The following GRTP1 variants were observed in gnomAD, a reference collection of about 807,000 sequenced individuals.
GRTP1 encodes the protein growth hormone-regulated TBC protein 1.
GRTP1 carries 56 observed loss-of-function variants against 38.1 expected under a neutral mutation model. The ratio of observed to expected loss-of-function variants is 1.47; its 90% CI spans 1.19 to 1.84. GRTP1 has a LOEUF of 1.84. Ranked by LOEUF, GRTP1 falls within the 40% of genes most tolerant of loss-of-function variation. The pLI, the probability that GRTP1 is intolerant of heterozygous loss-of-function variation, is 0.00. For missense variants in GRTP1, 506 were observed against 453.9 expected (o/e 1.11, Z -1.04); for synonymous variants, 217 against 189.5 (o/e 1.14, Z -1.19).
chr13:113,363,601 C>T (rs1347646476), intron 2 of GRTP1, among the ~76,000 whole-genome samples, 161 bp downstream of exon 2: 2 of 152,190 alleles, frequency 1.3e-5, no homozygotes, highest in Non-Finnish European at 2.9e-5. Context: ...GCGGGAAAAC[C>T]GGTCCCTGCG....
intron 2 of GRTP1, among the ~76,000 whole-genome samples, chr13:113,363,274 C>T (rs575415741): frequency 7.4e-4 from 112 of 152,338 alleles, no homozygotes; most frequent in African/African-American, 2.6e-3. Flanking sequence ...ATGGCGCAAT[C>T]TCGGCTCACT....
intron 5 of GRTP1, among the ~76,000 whole-genome samples, chr13:113,331,689 T>C (rs1448231252): frequency 7.5e-6 from 1 of 134,022 alleles, no homozygotes; most frequent in African/African-American, 2.9e-5. Flanking sequence ...AGAGTCTCAC[T>C]CTGTCACCCA....
In GRTP1 at chr13:113,348,144, A is replaced by G. The variant is rs2043202499; in HGVS notation, c.465+2705T>C. On this transcript the variant is annotated intron_variant, in intron 4 of 7. Transcript: ENST00000375431. The surrounding 1 kb of genome is among the most constrained non-coding windows in gnomAD (Gnocchi z 4.8). ...GGACAGTGTGGACACATGGAAATGC[A>G]GGTGGGTGATCATCGTGGAGAAAAA... is the stretch of plus-strand genomic sequence containing the variant. Among the ~76,000 whole-genome samples the G allele has an allele frequency of 6.6e-6, 1 of 152,192 alleles. No homozygotes were observed. The highest frequency in any genetic ancestry group is 2.1e-4 in the South Asian group (1 of 4,824).
In GRTP1 at chr13:113,350,870, G is replaced by A. The variant is rs1319373677; in HGVS notation, c.444C>T (p.Asn148=). The A allele has an allele frequency of 6.3e-7, 1 of 1,583,612 alleles. No homozygotes were observed. The highest frequency in any genetic ancestry group is 1.7e-5 in the Admixed American group (1 of 58,500). ...TCACCTGGCAGTAGCCCACTCCCTG[G>A]TTATGGTGCCCATATGCCAGCAGCA... is the stretch of plus-strand genomic sequence containing the variant. ...YNVLLAYGHH[N]QGVGYCQGMN... Residue 148 remains asparagine (N), a synonymous_variant, in exon 4 of 8, where the codon AAC becomes AAT. Transcript: ENST00000375431.
At chr13:113,347,507 CGG>C (rs2043175675) in intron 4 of GRTP1, among the ~76,000 whole-genome samples, 1 of 32,950 alleles carries the variant, frequency 3.0e-5, no homozygotes, top group Non-Finnish European at 7.9e-5. Flanking sequence ...TGGCCGAGAG[CGG>C]ACCCAGGAGC....
In GRTP1 at chr13:113,352,664, C is replaced by G. The variant is rs114146703; in HGVS notation, c.341-1691G>C. Among the ~76,000 whole-genome samples the G allele has an allele frequency of 2.3e-3, 346 of 152,208 alleles. 1 individual carries two copies. The highest frequency in any genetic ancestry group is 7.9e-3 in the African/African-American group (327 of 41,546). ...GTGCTGGGATTACAGGCGTGAGCCA[C>G]CACACTAAGTTTCTTGATATGTTTT... On this transcript the variant is annotated intron_variant, in intron 3 of 7. Transcript: ENST00000375431.
chr13:113,326,670 C>CA (rs1438785315), intron 5 of GRTP1, among the ~76,000 whole-genome samples: 2 of 148,666 alleles, frequency 1.3e-5, no homozygotes, highest in South Asian at 2.1e-4. Context: ...GACTCTGTCT[C>CA]AAAAAAACAA....
intron 1 of GRTP1, 39 bp downstream of exon 1, chr13:113,363,972 GCGCGGGGAC>G (rs2043551360): frequency 6.5e-7 from 1 of 1,548,518 alleles, no homozygotes; most frequent in Non-Finnish European, 8.7e-7. Context: ...TCGCGGGCCC[GCGCGGGGAC>G]CGCAGCCGCC....
intron 5 of GRTP1, among the ~76,000 whole-genome samples, chr13:113,344,520 C>A (rs999748563): frequency 2.6e-5 from 4 of 152,082 alleles, no homozygotes; most frequent in Non-Finnish European, 4.4e-5. Flanking sequence ...TTGAGACCAG[C>A]CTGACCAACA....
intron 2 of GRTP1, 135 bp downstream of exon 2, chr13:113,363,627 A>G (rs1011286474): frequency 3.3e-6 from 3 of 912,198 alleles, no homozygotes; most frequent in Non-Finnish European, 4.8e-6. Flanking sequence ...CCTAGCTCGG[A>G]GCCCGCAGCT....
At chr13:113,354,848 G>C (rs1219354719) in intron 3 of GRTP1, among the ~76,000 whole-genome samples, 3 of 152,084 alleles carry the variant, frequency 2.0e-5, no homozygotes, top group African/African-American at 4.8e-5. Context: ...AATTTTGTTA[G>C]CACTCTGAAC....
chr13:113,352,574 C>G (rs1184773614), intron 3 of GRTP1, among the ~76,000 whole-genome samples: 1 of 151,662 alleles, frequency 6.6e-6, no homozygotes, highest in Non-Finnish European at 1.5e-5. Flanking sequence ...CAGAGTTTTG[C>G]CATGGTGGCC....
intron 5 of GRTP1, 30 bp from the exon 6 acceptor site, chr13:113,326,121 A>G: frequency 3.1e-6 from 5 of 1,600,066 alleles, no homozygotes; most frequent in Non-Finnish European, 4.2e-6. Context: ...AAAGACCCCG[A>G]GACACTCCCG....
At chr13:113,335,063 C>G (rs1265849187) in intron 5 of GRTP1, among the ~76,000 whole-genome samples, 1 of 150,358 alleles carries the variant, frequency 6.7e-6, no homozygotes, top group Non-Finnish European at 1.5e-5. Flanking sequence ...ACCTCGCGAT[C>G]CGCCTGCCTC....
intron 5 of GRTP1, among the ~76,000 whole-genome samples, chr13:113,335,585 CTG>C (rs1467798861): frequency 6.6e-6 from 1 of 152,132 alleles, no homozygotes; most frequent in African/African-American, 2.4e-5. Context: ...CTTCTTCTAA[CTG>C]TAGGTCTGTA....
chr13:113,328,107 T>C (rs1211322366), intron 5 of GRTP1, among the ~76,000 whole-genome samples: 6 of 152,336 alleles, frequency 3.9e-5, no homozygotes, highest in African/African-American at 1.4e-4. Flanking sequence ...TCCCTCAGGC[T>C]GAGGCGCAGG....
chr13:113,346,285 AGCGGATCTGGGAGGACCTCTGTGG>A (rs2043130630), intron 4 of GRTP1, among the ~76,000 whole-genome samples: 1 of 77,846 alleles, frequency 1.3e-5, no homozygotes, highest in African/African-American at 6.6e-5. Flanking sequence ...TCTGTGGCTG[AGCGGATCTGGGAGGACCTCTGTGG>A]CAGAGAGCAG....
At chr13:113,344,047 G>A (rs546285477) in intron 5 of GRTP1, among the ~76,000 whole-genome samples, 30 of 152,210 alleles carry the variant, frequency 2.0e-4, no homozygotes, top group African/African-American at 7.0e-4. Flanking sequence ...ATAGAAAAGT[G>A]GAAAGGTTTG....
At chr13:113,329,260 G>A (rs748508559) in intron 5 of GRTP1, among the ~76,000 whole-genome samples, 2 of 152,312 alleles carry the variant, frequency 1.3e-5, no homozygotes, top group East Asian at 1.9e-4. Context: ...GCAGTGCCAC[G>A]GAGACATTGG....
Sources: gnomAD v4.1 joint callset for allele counts (sites outside exome capture counted in the v4.1 genomes callset) on GRCh38, gnomAD v4.1.1 for gene constraint, Gnocchi (gnomAD v3.1) non-coding constraint, MANE v1.5 for transcripts, NCBI Gene and HGNC (gene_info 2026-07-23, HGNC 2026-07-21) for gene names.